The following HLA-DQB1 variants were observed in gnomAD, a reference collection of about 807,000 sequenced individuals.
HLA-DQB1 encodes the protein major histocompatibility complex, class II, DQ beta 1.
In HLA-DQB1, 13 loss-of-function variants were observed where a neutral mutation model predicts 26.4. The ratio of observed to expected loss-of-function variants is 0.49; its 90% CI spans 0.32 to 0.78. The LOEUF is 0.78. HLA-DQB1 is among the 30% of genes least tolerant of loss of function. HLA-DQB1 has a pLI of 0.03. For synonymous variants in HLA-DQB1, 60 were observed against 129.1 expected (o/e 0.46, Z 3.63); for missense variants, 158 against 326.2 (o/e 0.48, Z 3.97).
At position 32,660,264 on chromosome 6, in the gene HLA-DQB1, A is replaced by AGGGG; in HGVS notation, c.773-16_773-15insCCCC. ...GTGCAGAAGCCCTGGAGAAGAGAGA[A>AGGGG]GAGCATTGATCAGCACAGGGTATCC... is the stretch of plus-strand genomic sequence containing the variant. On this transcript the variant is annotated splice_polypyrimidine_tract_variant and intron_variant, in intron 4 of 4. Coordinates refer to ENST00000434651, the Ensembl canonical transcript of HLA-DQB1. 1 of 1,038,690 alleles carries AGGGG rather than the reference A, an allele frequency of 9.6e-7. No individual in the cohort carries two copies. Among genetic ancestry groups the AGGGG allele is most frequent in the Non-Finnish European group, 1.4e-6 (1 of 732,442 alleles). 64.3% of individuals were successfully genotyped at this position (1,038,690 alleles called of 1,614,324 possible).
Position 32,666,546 on chromosome 6 carries a change from A to G in HLA-DQB1, c.62T>C (p.Met21Thr). The change falls in exon 1 of 5, where the codon ATG becomes ACG. Residue 21 changes from methionine (M) to threonine (T), a missense_variant. Transcript: ENST00000434651. Reference sequence around the variant, plus strand: ...CAGTAGGGAGCTCAGCATCGCCAGCATCAAGGTGACAGTTGCTACCCGAAG... The same window carrying G: ...CAGTAGGGAGCTCAGCATCGCCAGCGTCAAGGTGACAGTTGCTACCCGAAG... The G allele has an allele frequency of 1.7e-6, 2 of 1,199,452 alleles. 1 individual carries two copies. The highest frequency in any genetic ancestry group is 2.4e-6 in the Non-Finnish European group (2 of 832,268). The allele number at this position is 1,199,452 out of a possible 1,614,324, so 74.3% of individuals were successfully genotyped here. A position where few individuals can be genotyped will look rare whatever the true frequency, so the allele number is the denominator to read the frequency against.
intron 4 of HLA-DQB1, chr6:32,660,825 G>A: frequency 8.3e-7 from 1 of 1,211,616 alleles, no homozygotes; most frequent in South Asian, 1.3e-5. Context: ...TTATACCTGT[G>A]CCTCCCCACA....
chr6:32,660,987 C>T (rs9273536), intron 4 of HLA-DQB1: 90,294 of 658,788 alleles, frequency 0.14, 8,614 homozygotes, highest in South Asian at 0.2. Flanking sequence ...TCTCTTCCCA[C>T]CCATGTTCTT....
At chr6:32,661,243 T>TCCAGCCTAGC in intron 4 of HLA-DQB1, 104 bp downstream of exon 4, 1 of 531,588 alleles carries the variant, frequency 1.9e-6, no homozygotes, top group Non-Finnish European at 3.1e-6. Context: ...TCCTCGCACT[T>TCCAGCCTAGC]CTTCTCAGGG....
intron 1 of HLA-DQB1, among the ~76,000 whole-genome samples, chr6:32,666,095 C>G (rs281861186): frequency 1.0e-5 from 1 of 97,316 alleles, no homozygotes; most frequent in Non-Finnish European, 2.1e-5. Flanking sequence ...GACACCATTG[C>G]TGCCTCACAT....
At chr6:32,666,428 C>A in intron 1 of HLA-DQB1, 71 bp downstream of exon 1, 1 of 474,114 alleles carries the variant, frequency 2.1e-6, no homozygotes, top group Non-Finnish European at 3.6e-6. Flanking sequence ...GATCACCATC[C>A]CCCATACCCC....
intron 4 of HLA-DQB1, chr6:32,660,999 C>A (rs2854273): frequency 0.52 from 299,577 of 577,866 alleles, 86,092 homozygotes; most frequent in East Asian, 0.68. Flanking sequence ...CATGTTCTTC[C>A]AGGCCTTCAG....
chr6:32,666,541 C>A (rs3891176), exon 1 of HLA-DQB1: 80,351 of 1,129,542 alleles, frequency 0.071, 9,291 homozygotes, highest in African/African-American at 0.15. Flanking sequence ...CTCAGCATCG[C>A]CAGCATCAAG....
intron 4 of HLA-DQB1, 71 bp downstream of exon 4, chr6:32,661,276 C>T: frequency 1.5e-6 from 1 of 689,462 alleles, no homozygotes; most frequent in Non-Finnish European, 2.3e-6. Flanking sequence ...AGCTAATCTA[C>T]AGACAGGACC....
rs369709024 is a variant in HLA-DQB1, at chr6:32,666,563, T to C, written c.45A>G (p.Val15=). 3.7e-5 allele frequency: 44 copies of C among 1,197,624 alleles called. 8 individuals are homozygous for C. The highest frequency in any genetic ancestry group is 5.0e-5 in the Non-Finnish European group (42 of 832,298). The allele number at this position is 1,197,624 out of a possible 1,614,324, so 74.2% of individuals were successfully genotyped here. Residue 15 remains valine, a synonymous_variant, in exon 1 of 5, where the codon GTA becomes GTG. Coordinates refer to ENST00000434651, the Ensembl canonical transcript of HLA-DQB1. The stretch of plus-strand genomic sequence containing the variant: ...TCGCCAGCATCAAGGTGACAGTTGC[T>C]ACCCGAAGGTCTCCGGGGATCCGCA...
chr6:32,661,056 A>G (rs9273544), intron 4 of HLA-DQB1, among the ~76,000 whole-genome samples: 67,008 of 126,196 alleles, frequency 0.53, 19,791 homozygotes, highest in Middle Eastern at 0.71. Context: ...GTCACTAGAA[A>G]GAAAGGAAGC....
At position 32,664,720 on chromosome 6, in the gene HLA-DQB1, GC is replaced by G. The variant is rs71537442; in HGVS notation, c.379+77del. 1,257 of 416,924 alleles carry G rather than the reference GC, an allele frequency of 3.0e-3. 168 individuals carry two copies. Among genetic ancestry groups the G allele is most frequent in the South Asian group, 9.7e-3 (314 of 32,398 alleles). The allele number at this position is 416,924 out of a possible 1,614,324, so 25.8% of individuals were successfully genotyped here. On this transcript the variant is annotated intron_variant, in intron 2 of 4. Transcript: ENST00000434651. ...ACTGGGCTCAGATTTCAGAGACCTC[GC>G]CCCCATCGCCCCTCCCGGCACAGAA...
intron 3 of HLA-DQB1, 146 bp downstream of exon 3, chr6:32,661,821 G>A (rs1014192461): frequency 4.5e-6 from 3 of 672,466 alleles, no homozygotes; most frequent in African/African-American, 3.6e-5. Flanking sequence ...TTCTTCTGAT[G>A]CACTTGCCAT....
chr6:32,660,252 GGAGAAGA>G lies in HLA-DQB1; in HGVS notation c.773-10_773-4del. The G allele has an allele frequency of 1.9e-6, 2 of 1,032,138 alleles. No individual in the cohort carries two copies. The highest frequency in any genetic ancestry group is 2.8e-6 in the Non-Finnish European group (2 of 726,356). The allele number at this position is 1,032,138 out of a possible 1,614,324, so 63.9% of individuals were successfully genotyped here. A position where few individuals can be genotyped will look rare whatever the true frequency, so the allele number is the denominator to read the frequency against. ...TCTCAGGAGTCAGTGCAGAAGCCCT[GGAGAAGA>G]GAGAAGAGCATTGATCAGCACAGGG... On this transcript the variant is annotated splice_region_variant and splice_polypyrimidine_tract_variant and intron_variant, in intron 4 of 4. Transcript: ENST00000434651.
At chr6:32,661,935 C>T (rs9273901) in intron 3 of HLA-DQB1, 32 bp downstream of exon 3, 3 of 1,373,776 alleles carry the variant, frequency 2.2e-6, no homozygotes, top group Non-Finnish European at 3.0e-6. Context: ...GTCTTGTGGG[C>T]CCATAGTAAC....
intron 2 of HLA-DQB1, chr6:32,664,396 C>T (rs28746774): frequency 0.041 from 4,310 of 105,642 alleles, 1,282 homozygotes; most frequent in East Asian, 0.35. Context: ...GCAAGCTGCG[C>T]ACGTGGGCCT....
At chr6:32,665,869 C>T (rs41264348) in intron 1 of HLA-DQB1, among the ~76,000 whole-genome samples, 8,293 of 109,798 alleles carry the variant, frequency 0.076, 336 homozygotes, top group Middle Eastern at 0.19. Context: ...GTGTTATTTC[C>T]CTTCTTTACA....
At chr6:32,661,989 C>G (rs1026912781) in exon 3 of HLA-DQB1, 2 of 1,551,206 alleles carry the variant, frequency 1.3e-6, no homozygotes, top group South Asian at 1.2e-5. Flanking sequence ...TGATGGGGCT[C>G]TGGAGGCTGG....
At chr6:32,663,933 GCAT>G (rs1783549011) in intron 2 of HLA-DQB1, 2 of 81,648 alleles carry the variant, frequency 2.4e-5, no homozygotes, top group East Asian at 9.3e-4. Flanking sequence ...CATCATTCAA[GCAT>G]TGTTTTTATT....
Sources: gnomAD v4.1 joint callset for allele counts (sites outside exome capture counted in the v4.1 genomes callset) on GRCh38, gnomAD v4.1.1 for gene constraint, MANE v1.5 for transcripts, NCBI Gene and HGNC (gene_info 2026-07-23, HGNC 2026-07-21) for gene names.